Variants in GABRA3 observed in about 807,000 individuals in gnomAD.
GABRA3 encodes gamma-aminobutyric acid receptor subunit alpha-3.
GABRA3 carries 10 observed loss-of-function variants against 30.1 expected under a neutral mutation model. That is an observed-to-expected ratio of 0.33 (90% CI 0.20 to 0.56). GABRA3 has a LOEUF of 0.56. Among genes scored for constraint, GABRA3 ranks in the 20% least tolerant of loss-of-function variants. The probability of loss-of-function intolerance (pLI) is 0.89; values close to 1 mark genes in which losing one functional copy is unlikely to be tolerated. For missense variants in GABRA3, 233 were observed against 392.0 expected (o/e 0.59, Z 3.42); for synonymous variants, 151 against 146.8 (o/e 1.03, Z -0.21).
At chrX:152,448,201 AC>A (rs1158391419) in intron 1 of GABRA3, among the ~76,000 whole-genome samples, 1 of 112,165 alleles carries the variant, frequency 8.9e-6, no homozygotes, top group Admixed American at 9.5e-5. Flanking sequence ...GGTCAGTGGA[AC>A]AGCAGTTTCA....
chrX:152,410,851 T>G (rs1266564277), intron 1 of GABRA3, among the ~76,000 whole-genome samples: 1 of 111,208 alleles, frequency 9.0e-6, no homozygotes, highest in African/African-American at 3.3e-5. Flanking sequence ...TAATAGAAAC[T>G]GTCCCTGGAC....
intron 9 of GABRA3, among the ~76,000 whole-genome samples, chrX:152,188,309 C>T (rs1312074942): frequency 9.0e-6 from 1 of 111,293 alleles, no homozygotes. Context: ...AAGAAAAGAA[C>T]CCATTTAAAT....
intron 1 of GABRA3, among the ~76,000 whole-genome samples, chrX:152,414,549 A>G (rs780781239): frequency 9.0e-5 from 10 of 111,394 alleles, no homozygotes; most frequent in Non-Finnish European, 1.7e-4. Flanking sequence ...GCTGATGAGG[A>G]TGTGGAACAA....
At chrX:152,259,205 G>A (rs920023985) in intron 4 of GABRA3, among the ~76,000 whole-genome samples, 3 of 112,103 alleles carry the variant, frequency 2.7e-5, no homozygotes, top group Non-Finnish European at 5.6e-5. Flanking sequence ...GGGAATCACT[G>A]ATCCCAGCAG....
intron 5 of GABRA3, among the ~76,000 whole-genome samples, chrX:152,234,139 A>G (rs1455795096): frequency 9.2e-6 from 1 of 108,602 alleles, no homozygotes; most frequent in Admixed American, 9.9e-5. Context: ...TGGCACATGT[A>G]TACATGTGTA....
Position 152,197,767 on chromosome X carries a change from G to A in GABRA3, c.797C>T (p.Thr266Ile). ...RSSTGEYVVM[T>I]THFHLKRKIG... The stretch of plus-strand genomic sequence containing the variant: ...TTTTCGCTTGAGATGGAAGTGGGTT[G>A]TCATGACGACATATTCTCCTAAAGA... The change falls in exon 8 of 10, where the codon ACA becomes ATA. Residue 266 changes from threonine (T) to isoleucine (I), a missense_variant. By Grantham distance (89) the Thr-to-Ile change is moderately conservative. Transcript: ENST00000370314. 8.3e-7 allele frequency: 1 copy of A among 1,208,380 alleles called. No individual in the cohort carries two copies. Among genetic ancestry groups the A allele is most frequent in the Non-Finnish European group, 1.1e-6 (1 of 892,842 alleles).
intron 1 of GABRA3, among the ~76,000 whole-genome samples, chrX:152,438,491 C>T (rs767848467): frequency 1.2e-3 from 134 of 112,409 alleles, no homozygotes; most frequent in Non-Finnish European, 2.1e-3. Flanking sequence ...CTTATATCCA[C>T]ACAAAAACCT....
intron 1 of GABRA3, among the ~76,000 whole-genome samples, chrX:152,380,607 T>C (rs1929117114): frequency 8.9e-6 from 1 of 111,819 alleles, no homozygotes; most frequent in Non-Finnish European, 1.9e-5. Flanking sequence ...TCTTTTGGGG[T>C]ATATACCCAC....
At chrX:152,255,107 A>G (rs1262811978) in intron 5 of GABRA3, among the ~76,000 whole-genome samples, 2 of 111,377 alleles carry the variant, frequency 1.8e-5, no homozygotes, top group Non-Finnish European at 3.8e-5. Flanking sequence ...TTTATATTTT[A>G]TGAAGATTTC....
At chrX:152,266,272 G>T (rs12857202) in intron 4 of GABRA3, among the ~76,000 whole-genome samples, 1 of 111,902 alleles carries the variant, frequency 8.9e-6, no homozygotes. Flanking sequence ...ACATTAAAAA[G>T]ATCACTCATC....
At chrX:152,448,369 C>G (rs1216181811) in intron 1 of GABRA3, among the ~76,000 whole-genome samples, 1 of 112,433 alleles carries the variant, frequency 8.9e-6, no homozygotes, top group Non-Finnish European at 1.9e-5. Context: ...TCTCATAACT[C>G]TGAAATCTTA....
intron 7 of GABRA3, among the ~76,000 whole-genome samples, chrX:152,204,059 AG>A (rs1357894566): frequency 1.8e-5 from 2 of 111,833 alleles, no homozygotes; most frequent in Non-Finnish European, 3.8e-5. Context: ...TGAGGACAGA[AG>A]GGTTGATAGA....
Position 152,287,239 on chromosome X carries a change from G to A in GABRA3, c.263-2504C>T, listed in dbSNP as rs1462526211. The stretch of plus-strand genomic sequence containing the variant: ...TCATGCAGACTTCCAACATCCTACA[G>A]ATAAGAAGAGAGATAGTAGGGAAAA... On this transcript the variant is annotated intron_variant, in intron 3 of 9. Transcript: ENST00000370314. Among the ~76,000 whole-genome samples, 2 of 111,844 alleles carry A rather than the reference G, an allele frequency of 1.8e-5. 1 individual carries two copies. Among genetic ancestry groups the A allele is most frequent in the Admixed American group, 1.9e-4 (2 of 10,507 alleles).
At chrX:152,248,501 TAAA>T (rs1181897797) in intron 5 of GABRA3, among the ~76,000 whole-genome samples, 1 of 108,296 alleles carries the variant, frequency 9.2e-6, no homozygotes, top group African/African-American at 3.3e-5. Context: ...TAATAAAATT[TAAA>T]AAAAAAAGAA....
rs371128458 is a variant in GABRA3 at position 152,284,435 on chromosome X, G to A, written c.330+233C>T. Among the ~76,000 whole-genome samples, 33 of 111,259 alleles carry A rather than the reference G, an allele frequency of 3.0e-4. No homozygotes were observed. The South Asian group carries it at 0.012, about 41-fold the overall frequency. ...CAAACAAACTTTTGAAAGATGTGTC[G>A]TGGGAGAAAGATAAGGGCACTCCTG... On this transcript the variant is annotated intron_variant, in intron 4 of 9. Coordinates refer to ENST00000370314, the MANE Select transcript of GABRA3 (RefSeq NM_000808.4).
chrX:152,376,926 A>T lies in GABRA3; in HGVS notation c.-26-12330T>A, dbSNP rs755321563. 4.5e-5 allele frequency among the ~76,000 whole-genome samples: 5 copies of T among 111,988 alleles called. No homozygotes were observed. The South Asian group carries it at 1.9e-3, about 42-fold the overall frequency. On this transcript the variant is annotated intron_variant, in intron 1 of 9. Coordinates refer to ENST00000370314, the MANE Select transcript of GABRA3 (RefSeq NM_000808.4). ...GAAATTCTCATTAAGAGAGACAGGA[A>T]TAACAGAAAACAGTGGGTGGAAGGA...
chrX:152,282,305 G>T (rs750015961), intron 4 of GABRA3, among the ~76,000 whole-genome samples: 40 of 111,603 alleles, frequency 3.6e-4, no homozygotes, highest in African/African-American at 1.2e-3. Flanking sequence ...TGTGGTCTCA[G>T]GGGAGCCTGG....
At chrX:152,287,786 C>T (rs1270925151) in intron 3 of GABRA3, among the ~76,000 whole-genome samples, 5 of 109,335 alleles carry the variant, frequency 4.6e-5, no homozygotes, top group Admixed American at 9.9e-5. Flanking sequence ...TCTTTTTTTT[C>T]TTCCATCCTT....
At chrX:152,237,149 A>T (rs938370948) in intron 5 of GABRA3, among the ~76,000 whole-genome samples, 4 of 111,485 alleles carry the variant, frequency 3.6e-5, no homozygotes, top group African/African-American at 1.3e-4. Context: ...TAAATCTCTA[A>T]TCCATCTTGA....
Sources: allele counts gnomAD v4.1 joint callset (sites outside exome capture counted in the v4.1 genomes callset), GRCh38; gene constraint gnomAD v4.1.1; transcripts MANE v1.5; gene names NCBI Gene and HGNC (gene_info 2026-07-23, HGNC 2026-07-21).